COMMD1: variants seen among roughly 807,000 people sequenced by gnomAD.
The protein encoded by COMMD1 is COMM domain-containing protein 1.
A neutral mutation model predicts 17.2 loss-of-function variants in COMMD1; 10 were observed. That is an observed-to-expected ratio of 0.58 (90% CI 0.36 to 0.99). The LOEUF (loss-of-function observed/expected upper bound fraction) is 0.99, where lower values mean the gene tolerates loss of function less well. COMMD1 is among the 50% of genes least tolerant of loss of function. The pLI is 0.01. For missense variants in COMMD1, 270 were observed against 231.8 expected (o/e 1.17, Z -1.07); for synonymous variants, 97 against 91.6 (o/e 1.06, Z -0.34).
At chr2:62,039,126 G>A (rs985108939) in intron 2 of COMMD1, among the ~76,000 whole-genome samples, 1 of 152,198 alleles carries the variant, frequency 6.6e-6, no homozygotes, top group Non-Finnish European at 1.5e-5. Flanking sequence ...CCAGAAAATT[G>A]TGCCTGAAAA....
chr2:62,006,142 C>A (rs1448137008), intron 2 of COMMD1, among the ~76,000 whole-genome samples: 1 of 130,732 alleles, frequency 7.6e-6, no homozygotes, highest in Non-Finnish European at 1.5e-5. Flanking sequence ...GGGAATTGAA[C>A]AATGAGAACA....
At chr2:61,937,743 CA>C (rs1670639776) in intron 1 of COMMD1, among the ~76,000 whole-genome samples, 1 of 152,138 alleles carries the variant, frequency 6.6e-6, no homozygotes, top group Non-Finnish European at 1.5e-5. Context: ...ATTAGCTATA[CA>C]AAACATACCC....
At chr2:61,920,740 G>T (rs1021775033) in intron 1 of COMMD1, among the ~76,000 whole-genome samples, 4 of 152,058 alleles carry the variant, frequency 2.6e-5, no homozygotes, top group Admixed American at 2.0e-4. Flanking sequence ...GAAGCATCTT[G>T]AACATTTAGT....
intron 1 of COMMD1, among the ~76,000 whole-genome samples, chr2:61,985,032 T>C (rs1389184454): frequency 6.6e-6 from 1 of 151,248 alleles, no homozygotes; most frequent in Non-Finnish European, 1.5e-5. Context: ...ATTTTTAGTC[T>C]ATGTGTGTCT....
rs181961909 is a variant in COMMD1 at position 61,961,793 on chromosome 2, T to C, written c.181-38908T>C. On this transcript the variant is annotated intron_variant, in intron 1 of 2. Transcript: ENST00000311832. The stretch of plus-strand genomic sequence containing the variant: ...ATAGAAATTTTCTCAACTACCCTGC[T>C]GTGTTAATTTTTCATTTCTGCTATT... 1.1e-4 allele frequency among the ~76,000 whole-genome samples: 17 copies of C among 152,296 alleles called. No homozygotes were observed. The East Asian group carries it at 3.3e-3, about 29-fold the overall frequency.
intron 2 of COMMD1, among the ~76,000 whole-genome samples, chr2:62,058,841 C>T (rs538048459): frequency 9.3e-4 from 141 of 152,018 alleles, no homozygotes; most frequent in South Asian, 3.7e-3. Flanking sequence ...AGTGCAATGG[C>T]GCAATCTCAG....
At chr2:61,996,215 T>G (rs544676819) in intron 1 of COMMD1, among the ~76,000 whole-genome samples, 5 of 152,236 alleles carry the variant, frequency 3.3e-5, no homozygotes, top group African/African-American at 1.2e-4. Context: ...CTAAAAACTT[T>G]ATTGCTAAAA....
chr2:62,005,299 G>A (rs1323865227), intron 2 of COMMD1, among the ~76,000 whole-genome samples: 1 of 152,222 alleles, frequency 6.6e-6, no homozygotes, highest in Admixed American at 6.5e-5. Context: ...TGTACTTGAT[G>A]TAATTTGTAG....
chr2:62,053,373 G>T (rs1029295294), intron 2 of COMMD1, among the ~76,000 whole-genome samples: 1 of 151,742 alleles, frequency 6.6e-6, no homozygotes, highest in African/African-American at 2.4e-5. Flanking sequence ...TATTAATAGG[G>T]TTTTGTGCAA....
chr2:61,959,951 A>C (rs1056413169), intron 1 of COMMD1, among the ~76,000 whole-genome samples: 1 of 152,168 alleles, frequency 6.6e-6, no homozygotes, highest in Admixed American at 6.5e-5. Flanking sequence ...TTAGTTTAAA[A>C]CTTTTTTAAT....
chr2:62,123,329 C>A (rs987649933), intron 2 of COMMD1, among the ~76,000 whole-genome samples: 24 of 151,534 alleles, frequency 1.6e-4, no homozygotes, highest in Admixed American at 8.5e-4. Flanking sequence ...TATGGTGAAA[C>A]CCCTTCTCTA....
At chr2:61,888,538 G>C (rs1669317233), upstream of COMMD1, 1 of 1,602,414 alleles carries the variant, frequency 6.2e-7, no homozygotes, top group Non-Finnish European at 8.5e-7. Flanking sequence ...GGTTGGCTCG[G>C]GAAGGACGGA....
At chr2:62,060,425 G>C (rs569286664) in intron 2 of COMMD1, among the ~76,000 whole-genome samples, 1 of 152,276 alleles carries the variant, frequency 6.6e-6, no homozygotes, top group South Asian at 2.1e-4. Flanking sequence ...CTTTTATGCA[G>C]TAGTTGTCAT....
In COMMD1 at chr2:62,058,643, G is replaced by GT. The variant is rs537063760; in HGVS notation, c.462+57662dup. Among the ~76,000 whole-genome samples the GT allele has an allele frequency of 4.1e-4, 63 of 152,184 alleles. 4 individuals carry two copies. The South Asian group carries it at 0.011, about 26-fold the overall frequency. ...GGTCCCAGCTACTTGAGAGGCTGAG[G>GT]TAAGAGGATTGCTTGGGCCTGGAAG... On this transcript the variant is annotated intron_variant, in intron 2 of 2. Coordinates refer to ENST00000311832, the MANE Select transcript of COMMD1 (RefSeq NM_152516.4).
intron 2 of COMMD1, among the ~76,000 whole-genome samples, chr2:62,080,343 A>C (rs1224682335): frequency 1.3e-5 from 2 of 152,238 alleles, no homozygotes; most frequent in Admixed American, 6.5e-5. Flanking sequence ...TGCCTTATTC[A>C]CTGCCCTGTT....
chr2:61,906,596 G>C (rs1158868844), intron 1 of COMMD1, among the ~76,000 whole-genome samples: 1 of 150,626 alleles, frequency 6.6e-6, no homozygotes, highest in East Asian at 1.9e-4. Flanking sequence ...CCATCATATT[G>C]GACAACTCTA....
chr2:61,896,577 A>G (rs986149407), intron 1 of COMMD1, among the ~76,000 whole-genome samples: 1 of 152,074 alleles, frequency 6.6e-6, no homozygotes, highest in African/African-American at 2.4e-5. Flanking sequence ...CCTATCTCAG[A>G]AAAAAACAAA....
chr2:62,091,297 G>A (rs1428740875), intron 2 of COMMD1, among the ~76,000 whole-genome samples: 2 of 152,190 alleles, frequency 1.3e-5, no homozygotes, highest in Non-Finnish European at 2.9e-5. Context: ...ATTTTTGATA[G>A]GGAATTTTTT....
At chr2:62,076,952 C>T (rs1339427172) in intron 2 of COMMD1, among the ~76,000 whole-genome samples, 1 of 151,952 alleles carries the variant, frequency 6.6e-6, no homozygotes, top group Non-Finnish European at 1.5e-5. Context: ...AGCAACATGG[C>T]GAGACCCTGT....
Sources: allele counts gnomAD v4.1 joint callset (sites outside exome capture counted in the v4.1 genomes callset), GRCh38; gene constraint gnomAD v4.1.1; transcripts MANE v1.5; gene names NCBI Gene and HGNC (gene_info 2026-07-23, HGNC 2026-07-21).